Variants in ITSN1 observed in about 807,000 individuals in gnomAD.
The protein encoded by ITSN1 is intersectin 1.
A neutral mutation model predicts 239.8 loss-of-function variants in ITSN1; 58 were observed. The ratio of observed to expected loss-of-function variants is 0.24; its 90% CI spans 0.20 to 0.30. The LOEUF (loss-of-function observed/expected upper bound fraction) is 0.30. ITSN1 is among the 10% of genes least tolerant of loss of function. ITSN1 has a pLI of 1.00. For missense variants in ITSN1, 1,558 were observed against 2,103.3 expected (o/e 0.74, Z 5.07); for synonymous variants, 780 against 770.8 (o/e 1.01, Z -0.20).
Position 33,888,023 on chromosome 21 carries a change from G to A in ITSN1, c.5018-129G>A, listed in dbSNP as rs1032730668. On this transcript the variant is annotated intron_variant, in intron 39 of 39. Transcript: ENST00000381318. ...GGAGCGAGTTGGAAATCCTAGTGTT[G>A]GTTTACATCAGAGCCCAGAGAAGAA... 9.4e-6 allele frequency: 8 copies of A among 852,990 alleles called. No homozygotes were observed. The African/African-American group carries it at 1.0e-4, about 11-fold the overall frequency. 52.8% of individuals were successfully genotyped at this position (852,990 alleles called of 1,614,324 possible).
intron 1 of ITSN1, among the ~76,000 whole-genome samples, chr21:33,675,110 C>T (rs1381634146): frequency 6.6e-6 from 1 of 152,092 alleles, no homozygotes; most frequent in Non-Finnish European, 1.5e-5. Context: ...TTTTTTCAGT[C>T]ACTATCTTTT....
intron 33 of ITSN1, among the ~76,000 whole-genome samples, chr21:33,869,830 T>TC: frequency 1.3e-5 from 2 of 150,870 alleles, no homozygotes; most frequent in East Asian, 3.9e-4. Flanking sequence ...CTGGGAAATA[T>TC]ATGAATGTCT....
intron 7 of ITSN1, among the ~76,000 whole-genome samples, chr21:33,752,493 G>T (rs1421955198): frequency 6.6e-6 from 1 of 152,050 alleles, no homozygotes; most frequent in Non-Finnish European, 1.5e-5. Flanking sequence ...GGCCAACCTT[G>T]GTTTCAATTA....
chr21:33,778,544 C>T (rs1240421443), intron 14 of ITSN1, among the ~76,000 whole-genome samples: 5 of 125,568 alleles, frequency 4.0e-5, no homozygotes, highest in South Asian at 2.9e-4. Context: ...ATTAAATTTA[C>T]TTGTATAAAG....
At chr21:33,840,115 T>C (rs1163173580) in intron 29 of ITSN1, among the ~76,000 whole-genome samples, 1 of 152,196 alleles carries the variant, frequency 6.6e-6, no homozygotes, top group Non-Finnish European at 1.5e-5. Context: ...CAAACGTATC[T>C]CAGAACCTTG....
At chr21:33,779,699 C>A (rs1293196695) in intron 14 of ITSN1, among the ~76,000 whole-genome samples, 1 of 152,172 alleles carries the variant, frequency 6.6e-6, no homozygotes, top group Non-Finnish European at 1.5e-5. Context: ...ATTATTGTTT[C>A]ATGTACTTTG....
At chr21:33,647,639 A>C (rs1489863678) in intron 1 of ITSN1, among the ~76,000 whole-genome samples, 1 of 152,054 alleles carries the variant, frequency 6.6e-6, no homozygotes. Context: ...GGGATTACAC[A>C]TGCCTGCCAC....
chr21:33,670,778 T>A (rs74571417), intron 1 of ITSN1, among the ~76,000 whole-genome samples: 6,385 of 152,266 alleles, frequency 0.042, 459 homozygotes, highest in African/African-American at 0.15. Flanking sequence ...TCAGCTACAC[T>A]AGGATCACAT....
chr21:33,813,920 A>G lies in ITSN1; in HGVS notation c.2575A>G (p.Thr859Ala). 2 of 1,611,608 alleles carry G rather than the reference A, an allele frequency of 1.2e-6. No individual in the cohort carries two copies. The highest frequency in any genetic ancestry group is 1.7e-6 in the Non-Finnish European group (2 of 1,179,620). Residue 859 changes from threonine to alanine, a missense_variant, in exon 22 of 40, where the codon ACC becomes GCC. By Grantham distance (58) the Thr-to-Ala change is moderately conservative (BLOSUM62 0). Around this residue, in one of 2 missense-constraint regions of ITSN1, gnomAD observed 982 missense variants for 1,209.9 expected, o/e 0.81. Coordinates refer to ENST00000381318, the MANE Select transcript of ITSN1 (RefSeq NM_003024.3). ...TTGTGCTTTTCCCTCCAGGTGGCCC[A>G]CCAGCACGAATGAGAAACCAGAAAC... ...NWADFSSTWP[T>A]STNEKPETDN...
At chr21:33,706,901 T>C (rs1601752816) in intron 1 of ITSN1, among the ~76,000 whole-genome samples, 1 of 152,270 alleles carries the variant, frequency 6.6e-6, no homozygotes, top group Non-Finnish European at 1.5e-5. Flanking sequence ...TTTTGTATTT[T>C]TAGTAGAGAT....
intron 1 of ITSN1, among the ~76,000 whole-genome samples, chr21:33,692,080 C>T (rs1231171227): frequency 6.6e-6 from 1 of 152,128 alleles, no homozygotes; most frequent in Non-Finnish European, 1.5e-5. Flanking sequence ...ACTGACTTAG[C>T]AGGATTGTTT....
intron 1 of ITSN1, among the ~76,000 whole-genome samples, chr21:33,705,672 G>A (rs1050037869): frequency 6.6e-6 from 1 of 151,856 alleles, no homozygotes; most frequent in Non-Finnish European, 1.5e-5. Context: ...GATTACAGGC[G>A]TGAGCCACTG....
In ITSN1 at chr21:33,717,187, C is replaced by CTT. The variant is rs879597417; in HGVS notation, c.-32-1598_-32-1597dup. 5.6e-3 allele frequency among the ~76,000 whole-genome samples: 799 copies of CTT among 141,616 alleles called. 7 individuals carry two copies. Among genetic ancestry groups the CTT allele is most frequent in the African/African-American group, 0.02 (767 of 38,746 alleles). The allele number at this position is 141,616 out of a possible 152,430, so 92.9% of individuals were successfully genotyped here. ...AATCTGTGAGTATTTAGTACTCATT[C>CTT]TTTTTTTTTTTTTAATTTTTGTTTT... is the stretch of plus-strand genomic sequence containing the variant. On this transcript the variant is annotated intron_variant, in intron 1 of 39. Coordinates refer to ENST00000381318, the MANE Select transcript of ITSN1 (RefSeq NM_003024.3).
At chr21:33,704,944 A>T (rs1385834863) in intron 1 of ITSN1, among the ~76,000 whole-genome samples, 1 of 147,766 alleles carries the variant, frequency 6.8e-6, no homozygotes, top group Non-Finnish European at 1.5e-5. Flanking sequence ...AAAAAAAAAA[A>T]AAATACAAAC....
chr21:33,885,441 C>T lies in ITSN1; in HGVS notation c.4762C>T (p.Arg1588Cys). 3.1e-6 allele frequency: 5 copies of T among 1,613,874 alleles called. No homozygotes were observed. Among genetic ancestry groups the T allele is most frequent in the Non-Finnish European group, 3.4e-6 (4 of 1,179,834 alleles). The change falls in exon 38 of 40, where the codon CGT becomes TGT. Residue 1588 changes from arginine (R) to cysteine (C), a missense_variant and splice_region_variant. Transcript: ENST00000381318. ...KKKREKAYLV[R>C]SQRATGIGRL... ...TTGTGTTTTTCCTGCCGTCATAGTC[C>T]GTTCCCAAAGGGCAACAGGCATTGG... is the stretch of plus-strand genomic sequence containing the variant.
At chr21:33,717,473 A>G (rs2147045450) in intron 1 of ITSN1, among the ~76,000 whole-genome samples, 1 of 152,256 alleles carries the variant, frequency 6.6e-6, no homozygotes, top group Middle Eastern at 3.4e-3. Flanking sequence ...CTGGGATTAC[A>G]GGTGTGAGCC....
At chr21:33,708,298 G>A (rs2092311688) in intron 1 of ITSN1, among the ~76,000 whole-genome samples, 1 of 149,712 alleles carries the variant, frequency 6.7e-6, no homozygotes, top group African/African-American at 2.5e-5. Flanking sequence ...TTTTCTTTGT[G>A]GTTTGCTTTT....
At chr21:33,694,777 C>T (rs1311034487) in intron 1 of ITSN1, among the ~76,000 whole-genome samples, 2 of 152,146 alleles carry the variant, frequency 1.3e-5, no homozygotes, top group South Asian at 2.1e-4. Flanking sequence ...CGATATCACA[C>T]CACTGCACTC....
intron 12 of ITSN1, among the ~76,000 whole-genome samples, chr21:33,772,727 T>C (rs1464745929): frequency 6.6e-6 from 1 of 152,218 alleles, no homozygotes; most frequent in Non-Finnish European, 1.5e-5. Context: ...AATATTTCGT[T>C]ATATGGGTAT....
Sources: allele counts gnomAD v4.1 joint callset (sites outside exome capture counted in the v4.1 genomes callset), GRCh38; gene constraint gnomAD v4.1.1; regional missense constraint gnomAD v4.1.1; transcripts MANE v1.5; gene names NCBI Gene and HGNC (gene_info 2026-07-23, HGNC 2026-07-21).